The following PDGFD variants were observed in gnomAD, a reference collection of about 807,000 sequenced individuals.
PDGFD encodes platelet derived growth factor D.
A neutral mutation model predicts 44.7 loss-of-function variants in PDGFD; 30 were observed. The ratio of observed to expected loss-of-function variants is 0.67; its 90% CI spans 0.50 to 0.91. PDGFD has a LOEUF of 0.91. Ranked by LOEUF, PDGFD falls within the 40% of genes least tolerant of loss-of-function variation. The pLI, the probability that PDGFD is intolerant of heterozygous loss-of-function variation, is 0.00. For missense variants in PDGFD, 445 were observed against 457.8 expected, an observed-to-expected ratio of 0.97 and a Z score of 0.25; for synonymous variants, 173 against 168.4, an observed-to-expected ratio of 1.03 and a Z score of -0.21.
At chr11:104,126,678 T>G (rs78011649) in intron 1 of PDGFD, among the ~76,000 whole-genome samples, 1 of 152,128 alleles carries the variant, frequency 6.6e-6, no homozygotes, top group African/African-American at 2.4e-5. Flanking sequence ...AGGTGCTATA[T>G]AACTGACATG....
At chr11:104,063,559 T>C (rs1386623228) in intron 1 of PDGFD, among the ~76,000 whole-genome samples, 3 of 152,104 alleles carry the variant, frequency 2.0e-5, no homozygotes, top group Non-Finnish European at 2.9e-5. Context: ...GTTTTCACAC[T>C]GCTATAAAGA....
At chr11:103,955,421 T>C (rs1591093002) in intron 3 of PDGFD, among the ~76,000 whole-genome samples, 1 of 152,050 alleles carries the variant, frequency 6.6e-6, no homozygotes, top group South Asian at 2.1e-4. Context: ...GACCCAACAA[T>C]GTTTGTGGAA....
At chr11:104,079,517 A>C (rs1257984574) in intron 1 of PDGFD, among the ~76,000 whole-genome samples, 2 of 151,928 alleles carry the variant, frequency 1.3e-5, no homozygotes, top group Non-Finnish European at 2.9e-5. Context: ...CCTCCCAAGT[A>C]GCTGGAATTA....
chr11:103,990,272 G>A (rs1238407197), intron 3 of PDGFD, among the ~76,000 whole-genome samples: 1 of 152,030 alleles, frequency 6.6e-6, no homozygotes, highest in East Asian at 1.9e-4. Flanking sequence ...TCTATTTTAG[G>A]GTCTTAGCAA....
chr11:103,962,924 C>G (rs1858961585), intron 3 of PDGFD, among the ~76,000 whole-genome samples: 1 of 152,086 alleles, frequency 6.6e-6, no homozygotes, highest in African/African-American at 2.4e-5. Context: ...ATTAATACCT[C>G]CACAGAGATG....
chr11:103,910,896 G>T (rs1211497769), intron 6 of PDGFD, among the ~76,000 whole-genome samples: 1 of 152,180 alleles, frequency 6.6e-6, no homozygotes, highest in Non-Finnish European at 1.5e-5. Context: ...GGTGAGGGGA[G>T]GGGCGTCTGC....
chr11:104,043,200 A>T (rs576350625), intron 1 of PDGFD, among the ~76,000 whole-genome samples: 2 of 152,302 alleles, frequency 1.3e-5, no homozygotes, highest in South Asian at 4.1e-4. Flanking sequence ...CATTTGAGAC[A>T]CTAAATACAA....
At chr11:103,931,305 A>G (rs910186290) in intron 5 of PDGFD, among the ~76,000 whole-genome samples, 2 of 152,212 alleles carry the variant, frequency 1.3e-5, no homozygotes, top group Non-Finnish European at 2.9e-5. Flanking sequence ...ACAAAAATTC[A>G]TTATGAAACA....
chr11:103,909,964 G>A (rs566089685), intron 6 of PDGFD, 145 bp from the exon 7 acceptor site: 102 of 929,038 alleles, frequency 1.1e-4, no homozygotes, highest in Non-Finnish European at 1.4e-4. Context: ...GAATGCACAC[G>A]TTGCTATTAG....
chr11:104,061,273 GA>G (rs376305312), intron 1 of PDGFD, among the ~76,000 whole-genome samples: 49 of 146,726 alleles, frequency 3.3e-4, no homozygotes, highest in African/African-American at 4.7e-4. Context: ...AGTCAAAAAG[GA>G]AAAAAAAAAG....
chr11:104,133,669 A>G (rs543649246), intron 1 of PDGFD, among the ~76,000 whole-genome samples: 3 of 152,320 alleles, frequency 2.0e-5, no homozygotes, highest in African/African-American at 4.8e-5. Flanking sequence ...TTCTCCTTGA[A>G]TTAAACAAAT....
At chr11:104,036,947 T>A (rs1165953997) in intron 1 of PDGFD, 4 of 1,613,992 alleles carry the variant, frequency 2.5e-6, no homozygotes, top group African/African-American at 2.7e-5. Flanking sequence ...AGAGTCCCCG[T>A]CGAAGAGATC....
intron 1 of PDGFD, among the ~76,000 whole-genome samples, chr11:104,129,092 A>G (rs112151833): frequency 6.6e-5 from 10 of 152,254 alleles, no homozygotes; most frequent in African/African-American, 1.9e-4. Flanking sequence ...CGCACATAGA[A>G]TTTTAAAAAT....
chr11:103,938,772 G>A (rs976626260), intron 5 of PDGFD, among the ~76,000 whole-genome samples: 1 of 151,974 alleles, frequency 6.6e-6, no homozygotes, highest in African/African-American at 2.4e-5. Context: ...TTTCTACATA[G>A]GGCTAGCCAG....
At chr11:104,039,169 A>G (rs4754098) in intron 1 of PDGFD, 78,609 of 166,740 alleles carry the variant, frequency 0.47, 19,049 homozygotes, top group Admixed American at 0.57. Context: ...TATCAAAACT[A>G]GTATTAAAAC....
At chr11:104,151,668 T>G (rs1156910615) in intron 1 of PDGFD, among the ~76,000 whole-genome samples, 1 of 152,278 alleles carries the variant, frequency 6.6e-6, no homozygotes, top group Non-Finnish European at 1.5e-5. Flanking sequence ...TGCTTTTATG[T>G]TCAGAAATAC....
chr11:103,948,930 T>G lies in PDGFD; in HGVS notation c.511-1206A>C, dbSNP rs541069833. On this transcript the variant is annotated intron_variant, in intron 3 of 6. Coordinates refer to ENST00000393158, the MANE Select transcript of PDGFD (RefSeq NM_025208.5). ...GATAGGTGCAACAAACCACCATGTA[T>G]CCCAGAACTTAAAGTAAAAAAAGAA... Among the ~76,000 whole-genome samples, 94 of 142,866 alleles carry G rather than the reference T, an allele frequency of 6.6e-4. 1 individual carries two copies. Among genetic ancestry groups the G allele is most frequent in the Non-Finnish European group, 1.3e-3 (87 of 66,502 alleles). 93.7% of individuals were successfully genotyped at this position (142,866 alleles called of 152,430 possible).
intron 1 of PDGFD, among the ~76,000 whole-genome samples, chr11:104,094,202 T>C (rs1245945984): frequency 1.3e-5 from 2 of 152,132 alleles, no homozygotes; most frequent in Non-Finnish European, 2.9e-5. Context: ...GGCCATCGTA[T>C]CAGCACATCT....
At chr11:104,007,407 T>C (rs963931131) in intron 1 of PDGFD, among the ~76,000 whole-genome samples, 1 of 152,188 alleles carries the variant, frequency 6.6e-6, no homozygotes, top group African/African-American at 2.4e-5. Context: ...TAAGGAGAAA[T>C]GAAACTATGA....
Sources: allele counts gnomAD v4.1 joint callset (sites outside exome capture counted in the v4.1 genomes callset), GRCh38; gene constraint gnomAD v4.1.1; transcripts MANE v1.5; gene names NCBI Gene and HGNC (gene_info 2026-07-23, HGNC 2026-07-21).